Variants in CEP135 observed in about 807,000 individuals in gnomAD.
CEP135 encodes centrosomal protein 135.
In CEP135, 142 loss-of-function variants were observed where a neutral mutation model predicts 157.3. That is an observed-to-expected ratio of 0.90 (90% CI 0.79 to 1.04). The LOEUF is 1.04. Ranked by LOEUF, CEP135 falls within the 50% of genes least tolerant of loss-of-function variation. The probability of loss-of-function intolerance (pLI) is 0.00; values close to 1 mark genes in which losing one functional copy is unlikely to be tolerated. For synonymous variants in CEP135, 396 were observed against 439.8 expected (o/e 0.90, Z 1.25); for missense variants, 1,317 against 1,309.2 (o/e 1.01, Z -0.09).
At chr4:55,965,895 A>C in intron 8 of CEP135, 36 bp downstream of exon 8, 5 of 1,521,664 alleles carry the variant, frequency 3.3e-6, no homozygotes, top group Non-Finnish European at 4.5e-6. Context: ...GAGAGTGTTC[A>C]TTAATTCTCC....
At chr4:55,961,764 TAAAAAAAAAAAAAAAAAAA>T (rs564116620) in intron 6 of CEP135, among the ~76,000 whole-genome samples, 1 of 54,186 alleles carries the variant, frequency 1.8e-5, no homozygotes, top group Non-Finnish European at 3.2e-5. Flanking sequence ...AAACTCTGTC[TAAAAAAAAAAAAAAAAAAA>T]AAAAAAAAAA....
chr4:55,994,782 T>C (rs1464428020), intron 15 of CEP135, among the ~76,000 whole-genome samples: 1 of 151,456 alleles, frequency 6.6e-6, no homozygotes, highest in Non-Finnish European at 1.5e-5. Flanking sequence ...ACCTCCCAGC[T>C]TCAAGCAATT....
chr4:55,976,467 A>C (rs897053116), intron 11 of CEP135, among the ~76,000 whole-genome samples: 20 of 152,218 alleles, frequency 1.3e-4, no homozygotes, highest in Non-Finnish European at 2.4e-4. Context: ...AATATCTCAG[A>C]GCTTTTAACC....
intron 14 of CEP135, 76 bp from the exon 15 acceptor site, chr4:55,991,858 T>C (rs1356217333): frequency 2.7e-6 from 2 of 737,820 alleles, no homozygotes; most frequent in South Asian, 2.9e-5. Flanking sequence ...TCCGGAAATA[T>C]TATTAAAGAG....
intron 5 of CEP135, among the ~76,000 whole-genome samples, chr4:55,959,302 G>A (rs1039000732): frequency 6.6e-6 from 1 of 152,138 alleles, no homozygotes; most frequent in Non-Finnish European, 1.5e-5. Flanking sequence ...CAGGGTTAGG[G>A]TCAGAAAACA....
chr4:55,953,297 T>G (rs1465617216), intron 3 of CEP135, 22 bp downstream of exon 3: 2 of 1,451,450 alleles, frequency 1.4e-6, no homozygotes, highest in Non-Finnish European at 1.8e-6. Flanking sequence ...TTTGATAATT[T>G]TTAAAATGCA....
intron 14 of CEP135, 125 bp downstream of exon 14, chr4:55,985,483 T>A: frequency 3.4e-6 from 1 of 290,088 alleles, no homozygotes; most frequent in Non-Finnish European, 6.3e-6. Context: ...TGAGATGGAG[T>A]CTCGCTCTGT....
In CEP135 at chr4:55,952,209, G is replaced by A. The variant is rs1447466420; in HGVS notation, c.79G>A (p.Val27Met). 6.2e-7 allele frequency: 1 copy of A among 1,612,714 alleles called. No homozygotes were observed. The highest frequency in any genetic ancestry group is 1.3e-5 in the African/African-American group (1 of 74,916). The change falls in exon 2 of 26, where the codon GTG becomes ATG. Residue 27 changes from valine (V) to methionine (M), a missense_variant. Transcript: ENST00000257287. ...GCTGGGATACCGCCAGACTCTGACA[G>A]TGGAGTGTTTACCTTTGGTAGAAAA... ...DQLGYRQTLT[V>M]ECLPLVEKLF...
intron 12 of CEP135, 150 bp from the exon 13 acceptor site, chr4:55,981,077 A>C: frequency 1.5e-6 from 1 of 659,868 alleles, no homozygotes; most frequent in Non-Finnish European, 2.3e-6. Context: ...TATTATTCTT[A>C]CTATTTTAAT....
intron 25 of CEP135, among the ~76,000 whole-genome samples, chr4:56,025,200 C>T (rs999144043): frequency 6.6e-6 from 1 of 152,182 alleles, no homozygotes; most frequent in South Asian, 2.1e-4. Flanking sequence ...GGGCTGGCCT[C>T]AAACTCCTGG....
rs758134921 is a variant in CEP135, at chr4:56,011,485, CAG to C, written c.2582_2583del (p.Glu861GlyfsTer21). ...AAGAGCAGAGTTCATAAATACATAA[CAG>C]AGGTGTCACGATGGGAGAGCTTAAT... On this transcript the variant is annotated frameshift_variant, in exon 20 of 26. Transcript: ENST00000257287. LOFTEE classifies it high-confidence loss of function. The C allele has an allele frequency of 1.1e-5, 17 of 1,610,538 alleles. No homozygotes were observed. The South Asian group carries it at 1.4e-4, about 14-fold the overall frequency.
intron 8 of CEP135, among the ~76,000 whole-genome samples, chr4:55,968,540 C>G (rs1728915619): frequency 1.3e-5 from 2 of 152,162 alleles, no homozygotes. Context: ...TCTCATCCCT[C>G]TCTTTTTCCA....
rs774120805 is a variant in CEP135 at position 55,971,282 on chromosome 4, T to C, written c.1123T>C (p.Cys375Arg). The part of the protein sequence containing the change: ...MAKLQLELNL[C>R]QKEKERLSDE... Reference sequence around the variant, plus strand: ...TTAAAATTTGCAGGAATTGAACTTATGCCAGAAAGAAAAGGAGAGACTGAG... The same window carrying C: ...TTAAAATTTGCAGGAATTGAACTTACGCCAGAAAGAAAAGGAGAGACTGAG... Residue 375 changes from cysteine to arginine, a missense_variant, in exon 10 of 26, where the codon TGC (cysteine) becomes CGC (arginine). By Grantham distance (180) the Cys-to-Arg change is radical. Coordinates refer to ENST00000257287, the MANE Select transcript of CEP135 (RefSeq NM_025009.5). The C allele has an allele frequency of 1.8e-5, 29 of 1,582,844 alleles. 1 individual carries two copies. In the Admixed American group the frequency reaches 2.3e-4, roughly 13 times the overall value.
At chr4:55,976,149 A>G (rs1729206720) in intron 11 of CEP135, among the ~76,000 whole-genome samples, 2 of 151,742 alleles carry the variant, frequency 1.3e-5, no homozygotes, top group Non-Finnish European at 2.9e-5. Flanking sequence ...ACCTACTAGG[A>G]AGGCTGAGGC....
rs189310649 is a variant in CEP135 at position 55,956,869 on chromosome 4, C to G, written c.473-354C>G. On this transcript the variant is annotated intron_variant, in intron 4 of 25. Transcript: ENST00000257287. ...CCTCAGGTGATCCACCCGCCTCGGC[C>G]TTCCAAAGTGCTGGGATTATAGGTG... Among the ~76,000 whole-genome samples the G allele has an allele frequency of 5.4e-4, 83 of 152,298 alleles. 1 individual carries two copies. The East Asian group carries it at 0.013, about 23-fold the overall frequency.
intron 15 of CEP135, 96 bp downstream of exon 15, chr4:55,992,181 CAGT>C: frequency 8.2e-7 from 1 of 1,218,376 alleles, no homozygotes; most frequent in Non-Finnish European, 1.1e-6. Flanking sequence ...GGCCTTTGTG[CAGT>C]AGTTTTAGAA....
intron 9 of CEP135, among the ~76,000 whole-genome samples, chr4:55,969,428 TAAA>T (rs5858359): frequency 1.1e-4 from 14 of 129,128 alleles, no homozygotes; most frequent in Admixed American, 1.6e-4. Flanking sequence ...ACTCCATCTT[TAAA>T]AAAAAAAAAA....
chr4:56,018,810 G>A (rs1730872885), intron 22 of CEP135, among the ~76,000 whole-genome samples: 1 of 151,836 alleles, frequency 6.6e-6, no homozygotes, highest in Non-Finnish European at 1.5e-5. Flanking sequence ...CAGTGCTTCC[G>A]AAGTAGAATA....
chr4:55,968,312 A>C (rs1728906856), intron 8 of CEP135, among the ~76,000 whole-genome samples: 2 of 152,148 alleles, frequency 1.3e-5, no homozygotes. Flanking sequence ...TGGAAGACCC[A>C]ATATTGTTAA....
Sources: allele counts gnomAD v4.1 joint callset (sites outside exome capture counted in the v4.1 genomes callset), GRCh38; gene constraint gnomAD v4.1.1; transcripts MANE v1.5; gene names NCBI Gene and HGNC (gene_info 2026-07-23, HGNC 2026-07-21).